The following ASIC2 variants were observed in gnomAD, a reference collection of about 807,000 sequenced individuals.
The protein encoded by ASIC2 is acid sensing ion channel subunit 2.
In ASIC2, 25 loss-of-function variants were observed where a neutral mutation model predicts 57.3. That is an observed-to-expected ratio of 0.44 (90% CI 0.32 to 0.61). The LOEUF (loss-of-function observed/expected upper bound fraction) is 0.61, where lower values mean the gene tolerates loss of function less well. Ranked by LOEUF, ASIC2 falls within the 20% of genes least tolerant of loss-of-function variation. ASIC2 has a pLI of 0.06. For synonymous variants in ASIC2, 319 were observed against 307.5 expected, an observed-to-expected ratio of 1.04 and a Z score of -0.39; for missense variants, 641 against 738.1, an observed-to-expected ratio of 0.87 and a Z score of 1.52.
chr17:33,604,801 T>C (rs1905188457), intron 1 of ASIC2, among the ~76,000 whole-genome samples: 1 of 152,026 alleles, frequency 6.6e-6, no homozygotes, highest in Non-Finnish European at 1.5e-5. Context: ...GTGTCAGGCT[T>C]TTCAAAGGTG....
chr17:33,084,843 G>C (rs1019771691), intron 3 of ASIC2, among the ~76,000 whole-genome samples: 1 of 152,174 alleles, frequency 6.6e-6, no homozygotes, highest in African/African-American at 2.4e-5. Context: ...AGGTTGTCTA[G>C]GAAGGCAGCC....
chr17:33,701,824 G>A (rs1289218030), intron 1 of ASIC2, among the ~76,000 whole-genome samples: 1 of 152,164 alleles, frequency 6.6e-6, no homozygotes, highest in Admixed American at 6.5e-5. Flanking sequence ...ATGTCTTTTT[G>A]CAAAGAATAG....
intron 1 of ASIC2, among the ~76,000 whole-genome samples, chr17:33,382,260 A>G (rs1909514707): frequency 6.6e-6 from 1 of 152,196 alleles, no homozygotes; most frequent in Non-Finnish European, 1.5e-5. Context: ...CAGATTCAAA[A>G]CAGGATGCAA....
intron 1 of ASIC2, among the ~76,000 whole-genome samples, chr17:33,595,544 T>C (rs1325923845): frequency 6.6e-6 from 1 of 152,264 alleles, no homozygotes; most frequent in Non-Finnish European, 1.5e-5. Flanking sequence ...CTTTTATTTC[T>C]GTTTCTTCAT....
rs1243870072 is a variant in ASIC2, at chr17:33,106,559, C to G, written c.859+5358G>C. 2.6e-5 allele frequency among the ~76,000 whole-genome samples: 4 copies of G among 152,312 alleles called. No homozygotes were observed. The East Asian group carries it at 5.8e-4, about 22-fold the overall frequency. On this transcript the variant is annotated intron_variant, in intron 2 of 9. Coordinates refer to ENST00000225823, the MANE Select transcript of ASIC2 (RefSeq NM_183377.2). Reference sequence around the variant, plus strand: ...CACCCTCAATTCTCACCCTCACCCCCACTCACTCAGTGTGGCCATCCACAG... The same window carrying G: ...CACCCTCAATTCTCACCCTCACCCCGACTCACTCAGTGTGGCCATCCACAG...
intron 1 of ASIC2, chr17:34,118,526 C>T (rs549649399): frequency 6.7e-4 from 102 of 152,332 alleles, no homozygotes; most frequent in African/African-American, 2.3e-3. Context: ...CCGTTAGACA[C>T]ACAGACCAGC....
At chr17:33,063,111 A>G (rs566492829) in intron 3 of ASIC2, among the ~76,000 whole-genome samples, 1 of 152,140 alleles carries the variant, frequency 6.6e-6, no homozygotes, top group African/African-American at 2.4e-5. Flanking sequence ...TTGACTCGTT[A>G]TCCAATTTGC....
chr17:33,648,241 C>A (rs1291753262), intron 1 of ASIC2, among the ~76,000 whole-genome samples: 3 of 152,244 alleles, frequency 2.0e-5, no homozygotes, highest in Admixed American at 6.5e-5. Context: ...GCTTGCTTCC[C>A]AGCTCTGGAA....
chr17:34,046,608 G>A (rs780940287), intron 1 of ASIC2, among the ~76,000 whole-genome samples: 2 of 152,102 alleles, frequency 1.3e-5, no homozygotes, highest in Non-Finnish European at 2.9e-5. Flanking sequence ...TTTCCATGCT[G>A]CCCTCCTCCC....
intron 1 of ASIC2, among the ~76,000 whole-genome samples, chr17:33,122,166 C>G (rs148421139): frequency 4.9e-4 from 74 of 152,358 alleles, no homozygotes; most frequent in African/African-American, 1.7e-3. Flanking sequence ...ATTCCCATCT[C>G]TGTTGTCCCT....
chr17:33,889,708 G>T (rs1025408607), intron 1 of ASIC2, among the ~76,000 whole-genome samples: 1 of 152,140 alleles, frequency 6.6e-6, no homozygotes, highest in East Asian at 1.9e-4. Flanking sequence ...GTTAGGTTGG[G>T]CACCTTGGGA....
At chr17:34,024,373 T>C (rs1056350592) in intron 1 of ASIC2, among the ~76,000 whole-genome samples, 1 of 152,362 alleles carries the variant, frequency 6.6e-6, no homozygotes, top group Admixed American at 6.5e-5. Context: ...GGAGAATCCC[T>C]CTCTCTGTAG....
At chr17:34,104,875 T>C (rs1191337205) in intron 1 of ASIC2, among the ~76,000 whole-genome samples, 2 of 152,056 alleles carry the variant, frequency 1.3e-5, no homozygotes, top group East Asian at 3.8e-4. Context: ...GATTCTTGCA[T>C]CTATGTTAAT....
intron 1 of ASIC2, among the ~76,000 whole-genome samples, chr17:33,263,762 G>A (rs987195659): frequency 1.3e-5 from 2 of 152,176 alleles, no homozygotes; most frequent in African/African-American, 2.4e-5. Context: ...GGGCCCACCC[G>A]CTGCAGAGCT....
At chr17:33,102,612 A>T (rs1216740581) in intron 2 of ASIC2, among the ~76,000 whole-genome samples, 3 of 152,084 alleles carry the variant, frequency 2.0e-5, no homozygotes, top group Non-Finnish European at 4.4e-5. Context: ...TAGTAATAGG[A>T]TGTTCTAGAA....
At chr17:33,016,179 A>G in intron 8 of ASIC2, 140 bp from the exon 9 acceptor site, 2 of 700,016 alleles carry the variant, frequency 2.9e-6, no homozygotes, top group South Asian at 3.7e-5. Flanking sequence ...CCAGCCTGGC[A>G]GCCAGCTCCA....
chr17:33,020,308 T>C (rs114633352), intron 7 of ASIC2, among the ~76,000 whole-genome samples: 77 of 152,290 alleles, frequency 5.1e-4, no homozygotes, highest in African/African-American at 1.8e-3. Context: ...TAAACCCATC[T>C]TGCAGATGAA....
At chr17:33,656,646 T>C (rs1259572727) in intron 1 of ASIC2, among the ~76,000 whole-genome samples, 1 of 152,190 alleles carries the variant, frequency 6.6e-6, no homozygotes, top group Admixed American at 6.5e-5. Context: ...TAGAGGTCTT[T>C]TCCTCCAGGA....
chr17:33,729,745 A>G (rs1329376657), intron 1 of ASIC2, among the ~76,000 whole-genome samples: 5 of 152,144 alleles, frequency 3.3e-5, no homozygotes, highest in Non-Finnish European at 5.9e-5. Context: ...TATCTGTGTA[A>G]AGCGCCTGGG....
Sources: gnomAD v4.1 joint callset for allele counts (sites outside exome capture counted in the v4.1 genomes callset) on GRCh38, gnomAD v4.1.1 for gene constraint, MANE v1.5 for transcripts, NCBI Gene and HGNC (gene_info 2026-07-23, HGNC 2026-07-21) for gene names.